Variants in NEBL observed in about 807,000 individuals in gnomAD.
NEBL encodes the protein nebulette.
Under a neutral mutation model 140.2 loss-of-function variants are expected in NEBL, and 122 were observed. That is an observed-to-expected ratio of 0.87 (90% CI 0.75 to 1.01). The LOEUF is 1.01. NEBL is among the 50% of genes least tolerant of loss of function. The pLI, the probability that NEBL is intolerant of heterozygous loss-of-function variation, is 0.00. For synonymous variants in NEBL, 436 were observed against 398.9 expected (o/e 1.09, Z -1.11); for missense variants, 1,365 against 1,231.3 (o/e 1.11, Z -1.62).
At chr10:21,213,332 A>C (rs1239742729) in intron 3 of NEBL, among the ~76,000 whole-genome samples, 1 of 152,178 alleles carries the variant, frequency 6.6e-6, no homozygotes, top group Non-Finnish European at 1.5e-5. Context: ...TCCTGTGCCC[A>C]GAGAAAGGAC....
At chr10:20,853,662 C>T (rs546351064) in intron 9 of NEBL, among the ~76,000 whole-genome samples, 6 of 152,232 alleles carry the variant, frequency 3.9e-5, no homozygotes, top group African/African-American at 1.4e-4. Context: ...GTGACATGCA[C>T]CTATAGCCCC....
chr10:20,984,937 G>A (rs780881400), intron 3 of NEBL, among the ~76,000 whole-genome samples: 3 of 152,156 alleles, frequency 2.0e-5, no homozygotes, highest in Admixed American at 6.5e-5. Context: ...TGAACTGCAC[G>A]TGTGAAGAAT....
chr10:20,851,190 T>C (rs1359464264), intron 10 of NEBL, among the ~76,000 whole-genome samples: 1 of 152,210 alleles, frequency 6.6e-6, no homozygotes, highest in Non-Finnish European at 1.5e-5. Flanking sequence ...TTAAGCAATA[T>C]ACTGTTTAAA....
chr10:20,961,006 A>G (rs1237798217), intron 4 of NEBL, among the ~76,000 whole-genome samples: 3 of 152,184 alleles, frequency 2.0e-5, no homozygotes, highest in Non-Finnish European at 4.4e-5. Flanking sequence ...GTGAAGAAAA[A>G]TACATCCTGA....
chr10:21,227,721 TTCTTCTTCTTCTTCTTC>T (rs1842182443), intron 3 of NEBL, among the ~76,000 whole-genome samples: 29 of 69,430 alleles, frequency 4.2e-4, no homozygotes, highest in African/African-American at 1.4e-3. Context: ...TTTCTTCTTC[TTCTTCTTCTTCTTCTTC>T]TTCTTCTTCT....
At position 20,809,831 on chromosome 10, in the gene NEBL, C is replaced by T. The variant is rs1837954582; in HGVS notation, c.2586G>A (p.Gln862=). 1.9e-6 allele frequency: 3 copies of T among 1,612,532 alleles called. No individual in the cohort carries two copies. Among genetic ancestry groups the T allele is most frequent in the Non-Finnish European group, 1.7e-6 (2 of 1,179,248 alleles). ...CAGAGAGCATATGGAGACTTCTAGACTGAATATTGTCTTCCAGGGGATCAA... is the reference window on the plus strand; with the variant it reads ...CAGAGAGCATATGGAGACTTCTAGATTGAATATTGTCTTCCAGGGGATCAA... ...FDLDPLEDNI[Q]SRSLHMLSEK... is the part of the protein sequence containing the mutation. Residue 862 remains glutamine (Q), a synonymous_variant, in exon 25 of 28, where the codon CAG becomes CAA. Coordinates refer to ENST00000377122, the MANE Select transcript of NEBL (RefSeq NM_006393.3).
chr10:21,288,850 A>ATATATATAT (rs1554836851), intron 1 of NEBL, among the ~76,000 whole-genome samples: 24 of 73,410 alleles, frequency 3.3e-4, no homozygotes, highest in South Asian at 1.0e-3. Flanking sequence ...ATATATATAT[A>ATATATATAT]AAAATTTTTT....
In NEBL at chr10:21,188,445, G is replaced by C. The variant is rs1841513038; in HGVS notation, n.349-15968C>G. 1.3e-5 allele frequency among the ~76,000 whole-genome samples: 2 copies of C among 152,146 alleles called. 1 individual carries two copies. On this transcript the variant is annotated intron_variant and non_coding_transcript_variant, in intron 3 of 8. Coordinates refer to the NEBL transcript ENST00000675702. Reference sequence around the variant, plus strand: ...TTCTAGCTAGACTTGTCACAGTTTGGGAATTTATATTTCCTATACTAATTA... The same window carrying C: ...TTCTAGCTAGACTTGTCACAGTTTGCGAATTTATATTTCCTATACTAATTA...
chr10:21,113,306 A>AAAAAAAAAAAAAAAC (rs1838129451), intron 2 of NEBL: 1 of 327,716 alleles, frequency 3.1e-6, no homozygotes, highest in African/African-American at 2.4e-5. Flanking sequence ...AAAAAAAAAA[A>AAAAAAAAAAAAAAAC]CCAGGAAAAA....
intron 2 of NEBL, among the ~76,000 whole-genome samples, chr10:21,076,444 C>CAAAAAA (rs56013237): frequency 1.8e-4 from 9 of 50,072 alleles, no homozygotes; most frequent in Non-Finnish European, 3.2e-4. Context: ...GACTCAGTTT[C>CAAAAAA]AAAAAAAAAA....
At chr10:21,135,596 T>C (rs1350368541) in intron 2 of NEBL, among the ~76,000 whole-genome samples, 3 of 152,206 alleles carry the variant, frequency 2.0e-5, no homozygotes, top group South Asian at 2.1e-4. Context: ...GCTTTTCTGC[T>C]AAAGAAAAAA....
At chr10:20,815,413 G>A (rs1300181986) in intron 22 of NEBL, among the ~76,000 whole-genome samples, 1 of 152,048 alleles carries the variant, frequency 6.6e-6, no homozygotes, top group African/African-American at 2.4e-5. Context: ...TGTAACTGTT[G>A]GTCACATCTG....
At chr10:20,895,070 T>C (rs1191127213) in intron 2 of NEBL, among the ~76,000 whole-genome samples, 1 of 151,936 alleles carries the variant, frequency 6.6e-6, no homozygotes, top group African/African-American at 2.4e-5. Context: ...GTGAAATGTA[T>C]GGATTTAGCT....
intron 20 of NEBL, chr10:20,818,633 T>C: frequency 4.6e-6 from 1 of 218,370 alleles, no homozygotes; most frequent in South Asian, 1.6e-4. Context: ...GTATTCTCCA[T>C]TAACTGCATT....
chr10:21,266,388 C>G (rs1256299081), intron 1 of NEBL, among the ~76,000 whole-genome samples: 1 of 152,214 alleles, frequency 6.6e-6, no homozygotes, highest in Non-Finnish European at 1.5e-5. Context: ...GCAACCCACC[C>G]AACTTGGCCT....
chr10:20,944,409 A>T (rs184806210), intron 4 of NEBL, among the ~76,000 whole-genome samples: 1 of 152,078 alleles, frequency 6.6e-6, no homozygotes, highest in Non-Finnish European at 1.5e-5. Context: ...TCATAATAAA[A>T]TAAAATAAAT....
intron 3 of NEBL, among the ~76,000 whole-genome samples, chr10:20,981,178 A>G (rs890331746): frequency 2.0e-5 from 3 of 152,210 alleles, no homozygotes; most frequent in East Asian, 1.9e-4. Flanking sequence ...GTACCTGGTC[A>G]AACTTGATGT....
chr10:20,935,143 T>C (rs917134111), intron 4 of NEBL, among the ~76,000 whole-genome samples: 3 of 152,094 alleles, frequency 2.0e-5, no homozygotes, highest in African/African-American at 4.8e-5. Context: ...GAGAGGAAAT[T>C]CAATCAGTCC....
intron 2 of NEBL, among the ~76,000 whole-genome samples, chr10:21,120,783 G>A (rs540219667): frequency 1.8e-4 from 27 of 149,236 alleles, no homozygotes; most frequent in Non-Finnish European, 2.5e-4. Flanking sequence ...AAGAACACAC[G>A]CCCAAGTGAG....
Sources: gnomAD v4.1 joint callset for allele counts (sites outside exome capture counted in the v4.1 genomes callset) on GRCh38, gnomAD v4.1.1 for gene constraint, MANE v1.5 for transcripts, NCBI Gene and HGNC (gene_info 2026-07-23, HGNC 2026-07-21) for gene names.